AMELX: variants seen among roughly 807,000 people sequenced by gnomAD.
AMELX encodes amelogenin X-linked.
Under a neutral mutation model 15.8 loss-of-function variants are expected in AMELX, and 9 were observed. The ratio of observed to expected loss-of-function variants is 0.57; its 90% CI spans 0.34 to 0.99. The LOEUF (loss-of-function observed/expected upper bound fraction) is 0.99, where lower values mean the gene tolerates loss of function less well. AMELX is among the 50% of genes least tolerant of loss of function. The pLI, the probability that AMELX is intolerant of heterozygous loss-of-function variation, is 0.02. For synonymous variants in AMELX, 61 were observed against 58.8 expected, an observed-to-expected ratio of 1.04 and a Z score of -0.17; for missense variants, 107 against 156.2, an observed-to-expected ratio of 0.68 and a Z score of 1.68.
At position 11,294,614 on chromosome X, in the gene AMELX, G is replaced by T. The variant is rs2048050021; in HGVS notation, c.-12-163G>T. Among the ~76,000 whole-genome samples, 3 of 112,111 alleles carry T rather than the reference G, an allele frequency of 2.7e-5. No individual in the cohort carries two copies. In the South Asian group the frequency reaches 1.1e-3, roughly 42 times the overall value. ...TGTGACTCCAGAAACAATGAAATAG[G>T]CTGAGAGCTGGAAATCACATATGAC... On this transcript the variant is annotated intron_variant, in intron 1 of 5. Transcript: ENST00000380714.
intron 2 of AMELX, among the ~76,000 whole-genome samples, chrX:11,296,569 A>G (rs926657654): frequency 1.8e-5 from 2 of 112,148 alleles, no homozygotes; most frequent in African/African-American, 6.5e-5. Flanking sequence ...CCTCTTTAAA[A>G]TAAAAGGTCT....
At chrX:11,309,048 G>A in the AMELX span, among the ~76,000 whole-genome samples, 4 of 111,571 alleles carry the variant, frequency 3.6e-5, no homozygotes, top group Non-Finnish European at 5.6e-5. Flanking sequence ...AGACTCAAGC[G>A]CCAGGACACA....
intron 2 of AMELX, among the ~76,000 whole-genome samples, chrX:11,295,367 C>A (rs2048066229): frequency 9.0e-6 from 1 of 111,382 alleles, no homozygotes; most frequent in Non-Finnish European, 1.9e-5. Context: ...GAGGCCCCAC[C>A]CCTTTGGGTA....
chrX:11,304,913 A>G (rs1312427393), downstream of AMELX, among the ~76,000 whole-genome samples: 2 of 104,143 alleles, frequency 1.9e-5, no homozygotes, highest in Non-Finnish European at 1.9e-5. Context: ...CAGCCTCCTG[A>G]GTAGCTGGGA....
chrX:11,303,807 A>G (rs955477945), downstream of AMELX, among the ~76,000 whole-genome samples: 7 of 111,463 alleles, frequency 6.3e-5, no homozygotes, highest in Non-Finnish European at 1.1e-4. Context: ...AATCATGACC[A>G]TTGCCTATCT....
Position 11,293,441 on chromosome X carries a change from C to T in AMELX, c.-40C>T, listed in dbSNP as rs890268618. The T allele has an allele frequency of 2.7e-5, 3 of 112,280 alleles. No individual in the cohort carries two copies. Among genetic ancestry groups the T allele is most frequent in the Non-Finnish European group, 5.6e-5 (3 of 53,247 alleles). 9.3% of individuals were successfully genotyped at this position (112,280 alleles called of 1,213,427 possible). ...GGATCAAGCATCCCTGAGTTTCAAA[C>T]AGAAACTTGCACTGAATACATTCAA... On this transcript the variant is annotated 5_prime_UTR_variant, in exon 1 of 6. Transcript: ENST00000380714.
At chrX:11,294,645 T>C (rs2048050534) in intron 1 of AMELX, 132 bp from the exon 2 acceptor site, 2 of 710,652 alleles carry the variant, frequency 2.8e-6, no homozygotes, top group Non-Finnish European at 4.5e-6. Context: ...ATGACTGAAG[T>C]AAATTCACAA....
downstream of AMELX, among the ~76,000 whole-genome samples, chrX:11,304,675 T>C (rs1471749459): frequency 1.8e-5 from 2 of 109,794 alleles, no homozygotes; most frequent in Admixed American, 1.9e-4. Flanking sequence ...GGCTGAGCCT[T>C]TGTGTACAGT....
At chrX:11,301,952 C>T (rs960078351), downstream of AMELX, among the ~76,000 whole-genome samples, 1 of 112,077 alleles carries the variant, frequency 8.9e-6, no homozygotes, top group Non-Finnish European at 1.9e-5. Context: ...GAGCTGGAAT[C>T]AATCCCAGCA....
At chrX:11,296,213 T>A (rs763630956) in intron 2 of AMELX, among the ~76,000 whole-genome samples, 1 of 112,427 alleles carries the variant, frequency 8.9e-6, no homozygotes, top group East Asian at 2.8e-4. Flanking sequence ...CTTCTTTTGT[T>A]GTATGGAAGT....
intron 5 of AMELX, 36 bp downstream of exon 5, chrX:11,299,009 T>C (rs1267141636): frequency 1.7e-6 from 2 of 1,195,894 alleles, no homozygotes; most frequent in Non-Finnish European, 1.1e-6. Flanking sequence ...ATGCAAATCC[T>C]GTGAAAATGG....
chrX:11,298,361 T>C, intron 4 of AMELX, 84 bp downstream of exon 4: 1 of 1,103,802 alleles, frequency 9.1e-7, no homozygotes, highest in South Asian at 1.8e-5. Context: ...TCATGTCTAC[T>C]CCACATGCAG....
At chrX:11,304,819 G>A (rs1421905437), downstream of AMELX, among the ~76,000 whole-genome samples, 5 of 72,523 alleles carry the variant, frequency 6.9e-5, no homozygotes, top group African/African-American at 1.2e-4. Flanking sequence ...ATGGAGTCTC[G>A]CTCTGTCGCC....
downstream of AMELX, among the ~76,000 whole-genome samples, chrX:11,304,618 C>T (rs1355758881): frequency 9.1e-6 from 1 of 109,421 alleles, no homozygotes; most frequent in African/African-American, 3.3e-5. Flanking sequence ...GAGGCTAGAA[C>T]TTGAGACCAC....
At chrX:11,296,683 A>G in intron 2 of AMELX, 96 bp from the exon 3 acceptor site, 1 of 977,379 alleles carries the variant, frequency 1.0e-6, no homozygotes, top group Non-Finnish European at 1.4e-6. Context: ...TAATGTGAAC[A>G]ATTGCATACT....
chrX:11,302,064 A>G (rs2048181303), downstream of AMELX, among the ~76,000 whole-genome samples: 1 of 112,385 alleles, frequency 8.9e-6, no homozygotes, highest in Non-Finnish European at 1.9e-5. Context: ...ATACTCTAAT[A>G]CTTGCACTGT....
the AMELX span, among the ~76,000 whole-genome samples, chrX:11,306,183 C>T: frequency 8.9e-6 from 1 of 112,182 alleles, no homozygotes; most frequent in East Asian, 2.8e-4. Context: ...CTGGGAGCAG[C>T]CATCAATGAC....
At chrX:11,298,493 C>T in intron 4 of AMELX, 55 bp from the exon 5 acceptor site, 1 of 1,200,261 alleles carries the variant, frequency 8.3e-7, no homozygotes, top group South Asian at 1.8e-5. Flanking sequence ...ACTGCTGCTT[C>T]TCTGGTTGGA....
chrX:11,293,595 A>T (rs1257485715), intron 1 of AMELX, 127 bp downstream of exon 1: 1 of 112,092 alleles, frequency 8.9e-6, no homozygotes, highest in Non-Finnish European at 1.9e-5. Context: ...GTTACTTTTT[A>T]GTTGGCCCAT....
Sources: gnomAD v4.1 joint callset for allele counts (sites outside exome capture counted in the v4.1 genomes callset) on GRCh38, gnomAD v4.1.1 for gene constraint, MANE v1.5 for transcripts, NCBI Gene and HGNC (gene_info 2026-07-23, HGNC 2026-07-21) for gene names.